Variants in ADGRL2 observed in about 807,000 individuals in gnomAD.
ADGRL2 encodes calcium-independent alpha-latrotoxin receptor 2.
Under a neutral mutation model 157.4 loss-of-function variants are expected in ADGRL2, and 44 were observed. The observed-to-expected ratio is 0.28, with a 90% CI of 0.22 to 0.36. ADGRL2 has a LOEUF of 0.36. Ranked by LOEUF, ADGRL2 falls within the 10% of genes least tolerant of loss-of-function variation. ADGRL2 has a pLI of 1.00. For missense variants in ADGRL2, 1,510 were observed against 1,768.9 expected (o/e 0.85, Z 2.63); for synonymous variants, 585 against 624.7 (o/e 0.94, Z 0.95).
chr1:81,358,619 G>A (rs567815698), intron 1 of ADGRL2, among the ~76,000 whole-genome samples: 1 of 152,202 alleles, frequency 6.6e-6, no homozygotes, highest in South Asian at 2.1e-4. Flanking sequence ...TTCCACTGGT[G>A]CAGTTAAAAA....
chr1:81,885,525 G>A (rs561120289), intron 2 of ADGRL2, among the ~76,000 whole-genome samples: 1 of 152,280 alleles, frequency 6.6e-6, no homozygotes, highest in East Asian at 1.9e-4. Context: ...CTCACAGATA[G>A]AAAAGGAAAG....
chr1:81,501,909 C>A, intron 2 of ADGRL2: 1 of 1,613,178 alleles, frequency 6.2e-7, no homozygotes, highest in East Asian at 2.2e-5. Context: ...TTCTTGTATG[C>A]CCAAAAGCTG....
At chr1:81,661,126 G>C (rs375074582) in intron 3 of ADGRL2, among the ~76,000 whole-genome samples, 1 of 152,038 alleles carries the variant, frequency 6.6e-6, no homozygotes, top group African/African-American at 2.4e-5. Context: ...TGCTATAAAG[G>C]TTTAGGAAAG....
chr1:81,473,137 G>A (rs2078205724), intron 2 of ADGRL2, among the ~76,000 whole-genome samples: 1 of 152,080 alleles, frequency 6.6e-6, no homozygotes, highest in Non-Finnish European at 1.5e-5. Context: ...AGGTGATGAT[G>A]GAGAGTGGGT....
intron 3 of ADGRL2, among the ~76,000 whole-genome samples, chr1:81,664,720 T>C (rs540618962): frequency 6.6e-6 from 1 of 152,314 alleles, no homozygotes; most frequent in East Asian, 1.9e-4. Context: ...TTTATTTTAG[T>C]CTACAAATGA....
intron 2 of ADGRL2, among the ~76,000 whole-genome samples, chr1:81,879,897 C>T (rs1442071192): frequency 6.6e-6 from 1 of 151,990 alleles, no homozygotes; most frequent in Non-Finnish European, 1.5e-5. Context: ...CTTGTTGGCA[C>T]GCACCTGTAA....
chr1:81,831,763 G>T (rs2091960222), intron 1 of ADGRL2, among the ~76,000 whole-genome samples: 1 of 152,098 alleles, frequency 6.6e-6, no homozygotes, highest in South Asian at 2.1e-4. Context: ...TTAAAGTACA[G>T]TGTAATCTCC....
chr1:81,680,114 C>G lies in ADGRL2; in HGVS notation c.-142-81697C>G, dbSNP rs2083078063. Among the ~76,000 whole-genome samples the G allele has an allele frequency of 1.3e-5, 2 of 152,170 alleles. 1 individual carries two copies. Among genetic ancestry groups the G allele is most frequent in the African/African-American group, 4.8e-5 (2 of 41,424 alleles). ...GAGGCAGCACAGCTGCCTTGATGCA[C>G]TGTTCCCTTGGGCTCCTACAGTGAA... On this transcript the variant is annotated intron_variant, in intron 3 of 24. Transcript: ENST00000370721.
chr1:81,980,655 G>A, intron 18 of ADGRL2: 3 of 451,306 alleles, frequency 6.6e-6, no homozygotes, highest in Non-Finnish European at 1.2e-5. Flanking sequence ...TCTATAGTAA[G>A]GGTAAATTTT....
intron 2 of ADGRL2, among the ~76,000 whole-genome samples, chr1:81,453,347 C>A (rs1296817313): frequency 1.3e-5 from 2 of 151,802 alleles, no homozygotes; most frequent in Admixed American, 1.3e-4. Flanking sequence ...TGAAAAAACG[C>A]CGAGAAAAAC....
At chr1:81,841,149 A>T (rs1395059189) in intron 2 of ADGRL2, among the ~76,000 whole-genome samples, 1 of 152,170 alleles carries the variant, frequency 6.6e-6, no homozygotes, top group Non-Finnish European at 1.5e-5. Flanking sequence ...ATTAGATTTT[A>T]TTAGTCAAAA....
At chr1:81,618,322 T>TGA (rs1570652383) in intron 3 of ADGRL2, among the ~76,000 whole-genome samples, 1 of 152,202 alleles carries the variant, frequency 6.6e-6, no homozygotes, top group East Asian at 1.9e-4. Context: ...CTGAATCCCT[T>TGA]GCTGTAGCTC....
chr1:81,579,426 C>T (rs2080861786), intron 2 of ADGRL2: 2 of 152,078 alleles, frequency 1.3e-5, no homozygotes, highest in Admixed American at 1.3e-4. Context: ...AGAGTAGTTC[C>T]AGTTACTGGC....
At chr1:81,609,927 A>G (rs1460175799) in intron 3 of ADGRL2, among the ~76,000 whole-genome samples, 2 of 152,228 alleles carry the variant, frequency 1.3e-5, no homozygotes, top group East Asian at 1.9e-4. Context: ...TAATTTCACC[A>G]ATAAAAATCC....
chr1:81,416,323 A>AG (rs1553162970), intron 1 of ADGRL2, among the ~76,000 whole-genome samples: 1 of 151,068 alleles, frequency 6.6e-6, no homozygotes, highest in African/African-American at 2.4e-5. Flanking sequence ...TTGCAAAAAA[A>AG]AAAAGAAAAG....
At chr1:81,410,455 C>T (rs777916482) in intron 1 of ADGRL2, among the ~76,000 whole-genome samples, 2 of 152,178 alleles carry the variant, frequency 1.3e-5, no homozygotes, top group African/African-American at 2.4e-5. Context: ...TCCACACATC[C>T]GTGATGCAGA....
intron 2 of ADGRL2, among the ~76,000 whole-genome samples, chr1:81,875,285 A>T (rs1000989013): frequency 1.3e-5 from 2 of 152,070 alleles, no homozygotes; most frequent in African/African-American, 4.8e-5. Flanking sequence ...CCCTAATAAT[A>T]CTTGTCTTCT....
At chr1:81,717,802 A>G (rs1029877074) in intron 1 of ADGRL2, among the ~76,000 whole-genome samples, 5 of 152,248 alleles carry the variant, frequency 3.3e-5, no homozygotes, top group African/African-American at 7.2e-5. Context: ...ACATTGTGCT[A>G]CAGAATATTT....
At chr1:81,416,400 G>C (rs976275915) in intron 1 of ADGRL2, among the ~76,000 whole-genome samples, 2 of 151,532 alleles carry the variant, frequency 1.3e-5, no homozygotes, top group Non-Finnish European at 2.9e-5. Flanking sequence ...CATTAACAGA[G>C]ACTTGCTAAA....
Sources: allele counts gnomAD v4.1 joint callset (sites outside exome capture counted in the v4.1 genomes callset), GRCh38; gene constraint gnomAD v4.1.1; transcripts MANE v1.5; gene names NCBI Gene and HGNC (gene_info 2026-07-23, HGNC 2026-07-21).